The following ERC2 variants were observed in gnomAD, a reference collection of about 807,000 sequenced individuals.
ERC2 encodes the protein ERC protein 2.
ERC2 carries 42 observed loss-of-function variants against 114.8 expected under a neutral mutation model. That is an observed-to-expected ratio of 0.37 (90% CI 0.29 to 0.47). The LOEUF is 0.47. ERC2 is among the 20% of genes least tolerant of loss of function. The pLI is 0.99. For synonymous variants in ERC2, 454 were observed against 425.5 expected, an observed-to-expected ratio of 1.07 and a Z score of -0.82; for missense variants, 939 against 1,150.7, an observed-to-expected ratio of 0.82 and a Z score of 2.66.
At chr3:55,926,415 T>A (rs75759133) in intron 13 of ERC2, among the ~76,000 whole-genome samples, 40,885 of 148,264 alleles carry the variant, frequency 0.28, 6,713 homozygotes, top group Non-Finnish European at 0.34. Context: ...TTTTTGTTTT[T>A]AAAAAAAAAA....
rs1409810524 is a variant in ERC2 at position 55,670,027 on chromosome 3, G to A, written c.*39+13767C>T. On this transcript the variant is annotated intron_variant, in intron 17 of 17. Transcript: ENST00000288221. ...AAACAACAAGGCTAGTATTTATGGA[G>A]TGCCTTACTATGTACTAGCACTGAG... is the stretch of plus-strand genomic sequence containing the variant. Among the ~76,000 whole-genome samples the A allele has an allele frequency of 3.3e-5, 5 of 152,206 alleles. No homozygotes were observed. The East Asian group carries it at 7.7e-4, about 23-fold the overall frequency.
At chr3:56,125,649 A>G (rs1250541680) in intron 6 of ERC2, among the ~76,000 whole-genome samples, 1 of 152,224 alleles carries the variant, frequency 6.6e-6, no homozygotes, top group Non-Finnish European at 1.5e-5. Context: ...GCTTGCTTCT[A>G]GGTCTTTTAC....
chr3:56,032,925 A>AGAGAGAGAC (rs1560056386), intron 7 of ERC2, among the ~76,000 whole-genome samples: 2 of 85,944 alleles, frequency 2.3e-5, no homozygotes, highest in East Asian at 3.4e-4. Context: ...GAAAGAAAGA[A>AGAGAGAGAC]AGAAAGAAAG....
intron 14 of ERC2, among the ~76,000 whole-genome samples, chr3:55,736,747 T>A (rs577298911): frequency 1.3e-5 from 2 of 152,282 alleles, no homozygotes; most frequent in Admixed American, 1.3e-4. Context: ...TTAAAAAAAA[T>A]TAGAATGCTT....
chr3:55,757,909 A>C (rs1382150073), intron 14 of ERC2, among the ~76,000 whole-genome samples: 2 of 152,096 alleles, frequency 1.3e-5, no homozygotes, highest in Non-Finnish European at 2.9e-5. Flanking sequence ...TTGGAAAAAA[A>C]ATTCTATCAA....
intron 7 of ERC2, among the ~76,000 whole-genome samples, chr3:56,029,036 C>T (rs1189169304): frequency 2.0e-5 from 3 of 151,936 alleles, no homozygotes; most frequent in South Asian, 4.1e-4. Flanking sequence ...GTGTAAAGTG[C>T]TTTCTCTGTG....
chr3:56,121,205 A>G (rs7625230), intron 6 of ERC2, among the ~76,000 whole-genome samples: 26,829 of 152,128 alleles, frequency 0.18, 2,929 homozygotes, highest in African/African-American at 0.3. Context: ...GTAAATGTAT[A>G]TCTGTATGTC....
chr3:55,883,354 G>A (rs2063199472), intron 14 of ERC2, among the ~76,000 whole-genome samples: 1 of 152,160 alleles, frequency 6.6e-6, no homozygotes, highest in African/African-American at 2.4e-5. Flanking sequence ...GGTCAGTGTG[G>A]CACATGTCCC....
chr3:56,369,313 T>TC (rs1257275401), intron 2 of ERC2, among the ~76,000 whole-genome samples: 2 of 152,146 alleles, frequency 1.3e-5, no homozygotes, highest in African/African-American at 4.8e-5. Flanking sequence ...TATCACTGGA[T>TC]CCCCATGATA....
chr3:55,552,206 C>T (rs1166054773), intron 17 of ERC2, among the ~76,000 whole-genome samples: 2 of 152,140 alleles, frequency 1.3e-5, no homozygotes, highest in Non-Finnish European at 1.5e-5. Flanking sequence ...TTTCCACAGT[C>T]TTAGAAAGAA....
intron 10 of ERC2, among the ~76,000 whole-genome samples, chr3:56,004,687 G>A (rs956507980): frequency 1.3e-5 from 2 of 151,960 alleles, no homozygotes; most frequent in Non-Finnish European, 2.9e-5. Context: ...ACAATGTTGT[G>A]TAGATTTTAT....
chr3:56,294,007 G>GC (rs2055266499), intron 3 of ERC2, among the ~76,000 whole-genome samples: 1 of 152,068 alleles, frequency 6.6e-6, no homozygotes, highest in Admixed American at 6.5e-5. Flanking sequence ...CAGCCTTGCT[G>GC]CCCCTTGGCA....
chr3:56,024,252 A>C (rs1448255715), intron 7 of ERC2, among the ~76,000 whole-genome samples: 1 of 152,222 alleles, frequency 6.6e-6, no homozygotes, highest in African/African-American at 2.4e-5. Flanking sequence ...GTTTTGATGC[A>C]AGTGGTCTAG....
intron 6 of ERC2, among the ~76,000 whole-genome samples, chr3:56,084,929 T>C (rs2077427778): frequency 2.1e-5 from 3 of 145,608 alleles, no homozygotes; most frequent in Admixed American, 2.0e-4. Flanking sequence ...AAAAAAAAAG[T>C]CAATAGGAAC....
chr3:56,062,414 CT>C (rs1446362333), intron 7 of ERC2, among the ~76,000 whole-genome samples: 2 of 152,128 alleles, frequency 1.3e-5, no homozygotes, highest in African/African-American at 4.8e-5. Flanking sequence ...ATGTATCTAT[CT>C]GCTCTAGGGG....
chr3:55,564,449 A>G (rs2056233952), intron 17 of ERC2, among the ~76,000 whole-genome samples: 1 of 152,212 alleles, frequency 6.6e-6, no homozygotes, highest in South Asian at 2.1e-4. Flanking sequence ...GCGCTTTATC[A>G]TAAGTTGTTT....
intron 2 of ERC2, among the ~76,000 whole-genome samples, chr3:56,424,396 A>G (rs542800574): frequency 6.6e-6 from 1 of 152,244 alleles, no homozygotes; most frequent in Admixed American, 6.5e-5. Flanking sequence ...AAGAATGTTT[A>G]TTTCCCTACC....
intron 7 of ERC2, among the ~76,000 whole-genome samples, chr3:56,034,220 A>G (rs1286430519): frequency 6.6e-6 from 1 of 152,202 alleles, no homozygotes; most frequent in Non-Finnish European, 1.5e-5. Context: ...AAAAACTGTC[A>G]TAAGAGACAA....
At chr3:55,687,379 T>C (rs1185239117) in intron 16 of ERC2, among the ~76,000 whole-genome samples, 1 of 1,036 alleles carries the variant, frequency 9.7e-4, no homozygotes, top group African/African-American at 2.0e-3. Flanking sequence ...ACCACCGGAT[T>C]TTTTTTTTTT....
Sources: gnomAD v4.1 joint callset for allele counts (sites outside exome capture counted in the v4.1 genomes callset) on GRCh38, gnomAD v4.1.1 for gene constraint, MANE v1.5 for transcripts, NCBI Gene and HGNC (gene_info 2026-07-23, HGNC 2026-07-21) for gene names.